Variants in CACNA2D1 observed in about 807,000 individuals in gnomAD.
CACNA2D1 encodes calcium voltage-gated channel auxiliary subunit alpha2delta 1.
In CACNA2D1, 53 loss-of-function variants were observed where a neutral mutation model predicts 171.5. The ratio of observed to expected loss-of-function variants is 0.31; its 90% CI spans 0.25 to 0.39. The LOEUF (loss-of-function observed/expected upper bound fraction) is 0.39. CACNA2D1 is among the 10% of genes least tolerant of loss of function. CACNA2D1 has a pLI of 1.00. For synonymous variants in CACNA2D1, 442 were observed against 443.1 expected (o/e 1.00, Z 0.03); for missense variants, 903 against 1,299.8 (o/e 0.69, Z 4.69).
intron 3 of CACNA2D1, among the ~76,000 whole-genome samples, chr7:82,257,896 G>C (rs1459106679): frequency 6.6e-6 from 1 of 152,170 alleles, no homozygotes; most frequent in Non-Finnish European, 1.5e-5. Flanking sequence ...TAAAGATGGA[G>C]GAGATTAGAG....
chr7:82,187,550 C>T (rs1362400155), intron 3 of CACNA2D1, among the ~76,000 whole-genome samples: 1 of 131,620 alleles, frequency 7.6e-6, no homozygotes, highest in African/African-American at 2.8e-5. Flanking sequence ...CATGGATAAA[C>T]ATTGCCAAAA....
intron 3 of CACNA2D1, among the ~76,000 whole-genome samples, chr7:82,186,189 A>AAGGAAGGG (rs1347007711): frequency 2.9e-5 from 3 of 102,432 alleles, no homozygotes; most frequent in Non-Finnish European, 4.0e-5. Context: ...GGAAGGAAGG[A>AAGGAAGGG]AGGGAGGGAG....
At chr7:82,044,227 C>T (rs1804281161) in intron 10 of CACNA2D1, among the ~76,000 whole-genome samples, 2 of 152,110 alleles carry the variant, frequency 1.3e-5, no homozygotes, top group Admixed American at 1.3e-4. Flanking sequence ...CTCAGAAAGA[C>T]CGTTCTCCTA....
intron 20 of CACNA2D1, among the ~76,000 whole-genome samples, chr7:81,991,994 C>T (rs926925903): frequency 7.4e-6 from 1 of 134,596 alleles, no homozygotes; most frequent in Admixed American, 7.6e-5. Flanking sequence ...GCCACCACGC[C>T]TGGCTCATTT....
At chr7:82,441,040 TTTA>T (rs1441732206) in intron 1 of CACNA2D1, among the ~76,000 whole-genome samples, 1 of 151,968 alleles carries the variant, frequency 6.6e-6, no homozygotes, top group Non-Finnish European at 1.5e-5. Flanking sequence ...ATAATTTGCC[TTTA>T]TTGACACTAC....
At chr7:81,988,290 T>G (rs763514504) in intron 21 of CACNA2D1, among the ~76,000 whole-genome samples, 3 of 152,074 alleles carry the variant, frequency 2.0e-5, no homozygotes, top group Non-Finnish European at 4.4e-5. Flanking sequence ...AAGGTGGCAA[T>G]AAGGAAGAGG....
At chr7:82,069,140 T>C (rs1808015902) in intron 7 of CACNA2D1, among the ~76,000 whole-genome samples, 1 of 152,140 alleles carries the variant, frequency 6.6e-6, no homozygotes, top group Non-Finnish European at 1.5e-5. Flanking sequence ...TGTTGTAAAA[T>C]CCCATCATGT....
rs574901168 is a variant in CACNA2D1, at chr7:82,045,429, C to T, written c.880-7194G>A. Among the ~76,000 whole-genome samples, 17 of 152,084 alleles carry T rather than the reference C, an allele frequency of 1.1e-4. No homozygotes were observed. In the South Asian group the frequency reaches 1.7e-3, roughly 15 times the overall value. On this transcript the variant is annotated intron_variant, in intron 10 of 38. Transcript: ENST00000356860. ...AGAGTTTTGTACTTAGAAAATCAACCGTCTATCAGTCAGGAAATTATTCAT... is the reference window on the plus strand; with the variant it reads ...AGAGTTTTGTACTTAGAAAATCAACTGTCTATCAGTCAGGAAATTATTCAT...
intron 3 of CACNA2D1, among the ~76,000 whole-genome samples, chr7:82,195,809 T>C (rs1798795356): frequency 6.6e-6 from 1 of 151,950 alleles, no homozygotes; most frequent in Non-Finnish European, 1.5e-5. Context: ...CCCACACTTT[T>C]GCAACTCTTA....
chr7:81,967,322 T>G, intron 30 of CACNA2D1, 115 bp from the exon 31 acceptor site: 1 of 899,122 alleles, frequency 1.1e-6, no homozygotes, highest in Admixed American at 2.0e-5. Context: ...AAAATAAGAT[T>G]AAACAGTCTA....
At chr7:81,993,391 T>A (rs541788106) in intron 20 of CACNA2D1, among the ~76,000 whole-genome samples, 71 of 152,264 alleles carry the variant, frequency 4.7e-4, no homozygotes, top group African/African-American at 1.7e-3. Context: ...GTTCTATAAT[T>A]CCTACAACAA....
In CACNA2D1 at chr7:82,390,700, T is replaced by A. The variant is rs575534069; in HGVS notation, c.96-41051A>T. Among the ~76,000 whole-genome samples the A allele has an allele frequency of 1.3e-3, 199 of 152,274 alleles. 1 individual carries two copies. Among genetic ancestry groups the A allele is most frequent in the Non-Finnish European group, 2.2e-3 (148 of 68,016 alleles). On this transcript the variant is annotated intron_variant, in intron 1 of 38. Transcript: ENST00000356860. Reference sequence around the variant, plus strand: ...TTCAAACGACTCATGTGATATATTTTTTCCTTGCAGTGTTTACCATTGGTT... The same window carrying A: ...TTCAAACGACTCATGTGATATATTTATTCCTTGCAGTGTTTACCATTGGTT...
intron 3 of CACNA2D1, among the ~76,000 whole-genome samples, chr7:82,180,592 TTGA>T (rs202146178): frequency 0.032 from 4,876 of 152,218 alleles, 91 homozygotes; most frequent in East Asian, 0.063. Context: ...GAAAACTCTA[TTGA>T]GAGTGGCCAG....
chr7:82,401,835 A>G (rs983445743), intron 1 of CACNA2D1, among the ~76,000 whole-genome samples: 2 of 152,218 alleles, frequency 1.3e-5, no homozygotes, highest in African/African-American at 2.4e-5. Flanking sequence ...AGTAAAACAC[A>G]CATTTTAATG....
chr7:81,977,809 C>A (rs1796007708), intron 24 of CACNA2D1, among the ~76,000 whole-genome samples: 1 of 152,068 alleles, frequency 6.6e-6, no homozygotes, highest in African/African-American at 2.4e-5. Context: ...AGGCAACCTA[C>A]AGAATGGGAG....
chr7:82,139,079 T>G (rs1338155236), intron 4 of CACNA2D1, among the ~76,000 whole-genome samples: 4 of 152,174 alleles, frequency 2.6e-5, no homozygotes, highest in Non-Finnish European at 2.9e-5. Context: ...AATATCTATA[T>G]GCACACACTG....
chr7:82,140,979 A>AAAAAAG (rs1792317612), intron 4 of CACNA2D1, among the ~76,000 whole-genome samples: 1 of 151,024 alleles, frequency 6.6e-6, no homozygotes, highest in Non-Finnish European at 1.5e-5. Context: ...AGAAAAAAAA[A>AAAAAAG]TTGCAATTAT....
At chr7:82,291,174 A>G (rs555366705) in intron 3 of CACNA2D1, among the ~76,000 whole-genome samples, 1 of 125,172 alleles carries the variant, frequency 8.0e-6, no homozygotes, top group East Asian at 2.1e-4. Flanking sequence ...ATATAGAATT[A>G]TAATTCTATA....
At chr7:82,273,399 T>A (rs1808893782) in intron 3 of CACNA2D1, among the ~76,000 whole-genome samples, 1 of 151,746 alleles carries the variant, frequency 6.6e-6, no homozygotes, top group Non-Finnish European at 1.5e-5. Context: ...TACTGGCATA[T>A]ACATACGATG....
Sources: allele counts gnomAD v4.1 joint callset (sites outside exome capture counted in the v4.1 genomes callset), GRCh38; gene constraint gnomAD v4.1.1; transcripts MANE v1.5; gene names NCBI Gene and HGNC (gene_info 2026-07-23, HGNC 2026-07-21).